DCAF6: variants seen among roughly 807,000 people sequenced by gnomAD.
The protein encoded by DCAF6 is DDB1 and CUL4 associated factor 6.
Under a neutral mutation model 125.1 loss-of-function variants are expected in DCAF6, and 54 were observed. The ratio of observed to expected loss-of-function variants is 0.43; its 90% CI spans 0.35 to 0.54. The LOEUF (loss-of-function observed/expected upper bound fraction) is 0.54. Among genes scored for constraint, DCAF6 ranks in the 20% least tolerant of loss-of-function variants. The probability of loss-of-function intolerance (pLI) is 0.01; values close to 1 mark genes in which losing one functional copy is unlikely to be tolerated. For missense variants in DCAF6, 934 were observed against 1,161.7 expected (o/e 0.80, Z 2.85); for synonymous variants, 371 against 390.4 (o/e 0.95, Z 0.58).
the DCAF6 span, among the ~76,000 whole-genome samples, chr1:167,909,106 C>T: frequency 6.6e-6 from 1 of 152,216 alleles, no homozygotes; most frequent in African/African-American, 2.4e-5. Context: ...TTTCTTATTT[C>T]TAACAACATA....
intron 2 of DCAF6, among the ~76,000 whole-genome samples, chr1:167,960,249 C>A (rs1313844070): frequency 1.3e-5 from 2 of 151,666 alleles, no homozygotes; most frequent in Non-Finnish European, 2.9e-5. Flanking sequence ...GCCAATACCA[C>A]ACTGTCTTAT....
chr1:168,036,293 A>T (rs1328869405), intron 12 of DCAF6, among the ~76,000 whole-genome samples: 1 of 152,182 alleles, frequency 6.6e-6, no homozygotes, highest in Non-Finnish European at 1.5e-5. Context: ...GAAAGTTTTC[A>T]TATATCATTT....
At chr1:168,002,994 C>T (rs1452280213) in intron 8 of DCAF6, among the ~76,000 whole-genome samples, 4 of 152,160 alleles carry the variant, frequency 2.6e-5, no homozygotes, top group African/African-American at 9.6e-5. Context: ...AGAATCAACC[C>T]TGGGAGCTTT....
chr1:167,957,974 A>G (rs1675022216), intron 2 of DCAF6, among the ~76,000 whole-genome samples: 1 of 151,900 alleles, frequency 6.6e-6, no homozygotes, highest in Non-Finnish European at 1.5e-5. Context: ...TCCTTTACCT[A>G]TTTTTAATTG....
At chr1:167,963,156 C>T (rs967738439) in intron 2 of DCAF6, among the ~76,000 whole-genome samples, 6 of 151,084 alleles carry the variant, frequency 4.0e-5, no homozygotes, top group African/African-American at 9.7e-5. Context: ...CCCAGCTACT[C>T]GGGAGGCTGA....
At chr1:168,051,554 CT>C (rs1462134916) in intron 17 of DCAF6, among the ~76,000 whole-genome samples, 2 of 152,156 alleles carry the variant, frequency 1.3e-5, no homozygotes, top group Non-Finnish European at 2.9e-5. Flanking sequence ...CAAAATCAAC[CT>C]TGTACTTAAC....
At chr1:167,940,931 G>A (rs951998367) in intron 1 of DCAF6, among the ~76,000 whole-genome samples, 2 of 152,138 alleles carry the variant, frequency 1.3e-5, no homozygotes, top group African/African-American at 2.4e-5. Context: ...TTTGTAAGGA[G>A]TTTATGAAGT....
chr1:167,974,792 A>G (rs779357428), intron 3 of DCAF6, 38 bp from the exon 4 acceptor site: 9 of 1,422,044 alleles, frequency 6.3e-6, no homozygotes, highest in Non-Finnish European at 8.4e-6. Context: ...TCTAGGAAAT[A>G]ATAAGTTACC....
chr1:167,899,381 C>T, the DCAF6 span: 1 of 1,600,240 alleles, frequency 6.2e-7, no homozygotes, highest in Non-Finnish European at 8.6e-7. Flanking sequence ...GCCTCTGTTA[C>T]AGGCTGGCAG....
At chr1:167,878,535 C>A in the DCAF6 span, 18 of 1,614,100 alleles carry the variant, frequency 1.1e-5, no homozygotes, top group Admixed American at 5.0e-5. Flanking sequence ...TAAAAAAGTA[C>A]GCTGGTAGGT....
Position 168,021,741 on chromosome 1 carries a change from C to G in DCAF6, c.1550-1247C>G, listed in dbSNP as rs1052422219. ...TTTAAAGTTGATTGAAATGGTACCACTAGCAGGATTCAGACTTTTAAATGT... is the reference window on the plus strand; with the variant it reads ...TTTAAAGTTGATTGAAATGGTACCAGTAGCAGGATTCAGACTTTTAAATGT... On this transcript the variant is annotated intron_variant, in intron 11 of 21. Coordinates refer to ENST00000367840, the MANE Select transcript of DCAF6 (RefSeq NM_001198956.2). Among the ~76,000 whole-genome samples the G allele has an allele frequency of 2.0e-5, 3 of 152,082 alleles. No homozygotes were observed. In the East Asian group the frequency reaches 5.8e-4, roughly 29 times the overall value.
the DCAF6 span, among the ~76,000 whole-genome samples, chr1:167,920,811 C>T: frequency 1.3e-5 from 2 of 152,110 alleles, no homozygotes; most frequent in Non-Finnish European, 2.9e-5. Context: ...TAAAAAACTG[C>T]TTTTTGAACT....
intron 12 of DCAF6, among the ~76,000 whole-genome samples, chr1:168,035,437 A>G (rs1558008235): frequency 6.6e-6 from 1 of 152,102 alleles, no homozygotes; most frequent in African/African-American, 2.4e-5. Context: ...ACGGAGTGAG[A>G]CTCTGTCTCA....
chr1:167,918,341 T>C, the DCAF6 span: 1 of 1,565,904 alleles, frequency 6.4e-7, no homozygotes, highest in Non-Finnish European at 8.8e-7. Context: ...GTGCTTTAGC[T>C]TTTAGTTCTT....
rs551683609 is a variant in DCAF6, at chr1:168,000,396, T to C, written c.904-2086T>C. Among the ~76,000 whole-genome samples the C allele has an allele frequency of 2.6e-5, 4 of 152,272 alleles. No individual in the cohort carries two copies. In the East Asian group the frequency reaches 7.7e-4, roughly 29 times the overall value. On this transcript the variant is annotated intron_variant, in intron 7 of 21. Transcript: ENST00000367840. ...GGAAAAAATAGCACCAATAGTCTTA[T>C]TCAATGCAGGGTTGCCACTAAATTT...
chr1:168,066,523 C>A, intron 20 of DCAF6, 58 bp downstream of exon 20: 1 of 1,220,886 alleles, frequency 8.2e-7, no homozygotes, highest in Non-Finnish European at 1.2e-6. Flanking sequence ...TAAAATGCTT[C>A]CCTAAGAAAA....
At chr1:167,971,691 A>G (rs957612536) in intron 3 of DCAF6, among the ~76,000 whole-genome samples, 1 of 152,198 alleles carries the variant, frequency 6.6e-6, no homozygotes, top group Non-Finnish European at 1.5e-5. Flanking sequence ...TATAGTAATC[A>G]TTGCAATTAT....
chr1:168,003,440 TGCAAAAGCATAAG>T (rs1682913394), intron 8 of DCAF6, among the ~76,000 whole-genome samples: 1 of 152,186 alleles, frequency 6.6e-6, no homozygotes, highest in Admixed American at 6.5e-5. Flanking sequence ...GGAAACTTCA[TGCAAAAGCATAAG>T]GCTATTTTGT....
At chr1:167,900,774 C>T in the DCAF6 span, among the ~76,000 whole-genome samples, 1 of 152,170 alleles carries the variant, frequency 6.6e-6, no homozygotes, top group African/African-American at 2.4e-5. Context: ...TCAGGTGATC[C>T]ACCCACCTTG....
Sources: allele counts gnomAD v4.1 joint callset (sites outside exome capture counted in the v4.1 genomes callset), GRCh38; gene constraint gnomAD v4.1.1; transcripts MANE v1.5; gene names NCBI Gene and HGNC (gene_info 2026-07-23, HGNC 2026-07-21).